PPP1R2: variants seen among roughly 807,000 people sequenced by gnomAD.
The protein encoded by PPP1R2 is protein phosphatase inhibitor 2.
PPP1R2 carries 16 observed loss-of-function variants against 29.9 expected under a neutral mutation model. The ratio of observed to expected loss-of-function variants is 0.53; its 90% CI spans 0.36 to 0.81. The LOEUF (loss-of-function observed/expected upper bound fraction) is 0.81. Among genes scored for constraint, PPP1R2 ranks in the 30% least tolerant of loss-of-function variants. The pLI, the probability that PPP1R2 is intolerant of heterozygous loss-of-function variation, is 0.00. For synonymous variants in PPP1R2, 76 were observed against 91.5 expected, an observed-to-expected ratio of 0.83 and a Z score of 0.96; for missense variants, 197 against 252.7, an observed-to-expected ratio of 0.78 and a Z score of 1.49.
intron 1 of PPP1R2, among the ~76,000 whole-genome samples, chr3:195,539,702 G>A (rs560251339): frequency 1.3e-5 from 2 of 151,968 alleles, no homozygotes; most frequent in African/African-American, 2.4e-5. Context: ...AAAAAAAGAC[G>A]TAAGCACTAA....
chr3:195,540,971 C>T (rs1055971710), intron 1 of PPP1R2, among the ~76,000 whole-genome samples: 1 of 152,154 alleles, frequency 6.6e-6, no homozygotes, highest in African/African-American at 2.4e-5. Context: ...CATTAAAAAA[C>T]CCATCCTTTT....
Position 195,515,619 on chromosome 3 carries a change from T to C in PPP1R2, c.*1277A>G, listed in dbSNP as rs1161140787. The C allele has an allele frequency of 6.6e-6, 1 of 152,246 alleles. No individual in the cohort carries two copies. The highest frequency in any genetic ancestry group is 1.5e-5 in the Non-Finnish European group (1 of 67,982). 9.4% of individuals were successfully genotyped at this position (152,246 alleles called of 1,614,324 possible). ...ACTGCGTTAGAAGAATAAAGCACGT[T>C]TGTCATAGTACACATTATCGTAGTC... is the stretch of plus-strand genomic sequence containing the variant. On this transcript the variant is annotated 3_prime_UTR_variant, in exon 6 of 6. Transcript: ENST00000618156.
chr3:195,538,830 A>G (rs1378223506), intron 1 of PPP1R2, among the ~76,000 whole-genome samples: 2 of 152,208 alleles, frequency 1.3e-5, no homozygotes, highest in African/African-American at 4.8e-5. Flanking sequence ...AGCACTTTAC[A>G]TTTATTAATT....
chr3:195,529,571 C>T (rs759704732), intron 2 of PPP1R2: 4 of 371,106 alleles, frequency 1.1e-5, no homozygotes, highest in Non-Finnish European at 1.9e-5. Context: ...AACAAATAAA[C>T]ATTTACTACT....
At chr3:195,534,712 G>A (rs1329187004) in intron 1 of PPP1R2, among the ~76,000 whole-genome samples, 2 of 152,106 alleles carry the variant, frequency 1.3e-5, no homozygotes, top group African/African-American at 4.8e-5. Flanking sequence ...AAAAAAAAGA[G>A]AGATAGGGCA....
rs559626211 is a variant in PPP1R2, at chr3:195,518,389, T to C, written c.571+629A>G. 2.6e-4 allele frequency among the ~76,000 whole-genome samples: 39 copies of C among 152,246 alleles called. No homozygotes were observed. In the East Asian group the frequency reaches 5.2e-3, roughly 20 times the overall value. On this transcript the variant is annotated intron_variant, in intron 5 of 5. Coordinates refer to ENST00000618156, the MANE Select transcript of PPP1R2 (RefSeq NM_006241.8). ...GTTTCAGGCTGGGCGCGGTGGCTCA[T>C]GCCTGTAATCCCAGCACTTTGGGAG...
intron 1 of PPP1R2, 108 bp downstream of exon 1, chr3:195,542,796 G>C (rs113678843): frequency 4.0e-5 from 54 of 1,337,096 alleles, no homozygotes; most frequent in African/African-American, 3.7e-4. Context: ...GAAGAGACTC[G>C]AGCGGCACCC....
At chr3:195,531,609 T>C (rs1489948895) in intron 1 of PPP1R2, among the ~76,000 whole-genome samples, 3 of 152,244 alleles carry the variant, frequency 2.0e-5, no homozygotes, top group African/African-American at 4.8e-5. Flanking sequence ...GCACTTTTTT[T>C]CTTCATTTTT....
At chr3:195,532,607 T>C (rs991925723) in intron 1 of PPP1R2, among the ~76,000 whole-genome samples, 1 of 152,118 alleles carries the variant, frequency 6.6e-6, no homozygotes, top group Non-Finnish European at 1.5e-5. Context: ...CCCTTTACTA[T>C]AGAGAAGCCA....
intron 4 of PPP1R2, chr3:195,519,778 T>C (rs1718682281): frequency 6.6e-6 from 1 of 151,936 alleles, no homozygotes; most frequent in Non-Finnish European, 1.5e-5. Flanking sequence ...TATAAAGTAA[T>C]GGTGAAGTGA....
chr3:195,526,240 C>T (rs1226684856), intron 2 of PPP1R2, among the ~76,000 whole-genome samples: 1 of 151,782 alleles, frequency 6.6e-6, no homozygotes, highest in East Asian at 1.9e-4. Flanking sequence ...GGACTACAGG[C>T]ATGTGCTACC....
intron 5 of PPP1R2, among the ~76,000 whole-genome samples, chr3:195,518,352 T>G (rs1029262042): frequency 1.3e-5 from 2 of 152,104 alleles, no homozygotes; most frequent in Non-Finnish European, 1.5e-5. Context: ...AAATCTTCCA[T>G]ACTAAAAACA....
chr3:195,533,999 C>T (rs1376961827), intron 1 of PPP1R2, among the ~76,000 whole-genome samples: 1 of 152,136 alleles, frequency 6.6e-6, no homozygotes, highest in Non-Finnish European at 1.5e-5. Context: ...CAGACGAGTT[C>T]CCAGAGGCCA....
At chr3:195,534,578 A>G (rs1174420688) in intron 1 of PPP1R2, among the ~76,000 whole-genome samples, 1 of 152,198 alleles carries the variant, frequency 6.6e-6, no homozygotes, top group Admixed American at 6.5e-5. Context: ...TTGAAGGGAA[A>G]AGATAAACAC....
intron 1 of PPP1R2, among the ~76,000 whole-genome samples, chr3:195,537,164 A>T (rs974475368): frequency 2.0e-5 from 3 of 150,768 alleles, no homozygotes; most frequent in Non-Finnish European, 4.4e-5. Flanking sequence ...TATACAATAC[A>T]TATGCTGATA....
At chr3:195,522,732 C>A (rs1478173544) in intron 4 of PPP1R2, among the ~76,000 whole-genome samples, 1 of 152,176 alleles carries the variant, frequency 6.6e-6, no homozygotes, top group African/African-American at 2.4e-5. Flanking sequence ...CTCTGTTGAA[C>A]AGGCTATATT....
chr3:195,525,104 TA>T (rs914315800), intron 2 of PPP1R2, among the ~76,000 whole-genome samples: 14 of 151,764 alleles, frequency 9.2e-5, no homozygotes, highest in Non-Finnish European at 1.6e-4. Context: ...TCCAAATGAT[TA>T]AAAAAAACAC....
At chr3:195,536,814 AACG>A (rs1262964450) in intron 1 of PPP1R2, among the ~76,000 whole-genome samples, 1 of 150,578 alleles carries the variant, frequency 6.6e-6, no homozygotes, top group East Asian at 1.9e-4. Context: ...AAAAAAAGAC[AACG>A]ACGACAACTG....
intron 1 of PPP1R2, among the ~76,000 whole-genome samples, chr3:195,536,207 C>T (rs1719375974): frequency 6.6e-6 from 1 of 150,964 alleles, no homozygotes; most frequent in Admixed American, 6.6e-5. Context: ...CCTATAAATC[C>T]CAACACTTTG....
Sources: allele counts gnomAD v4.1 joint callset (sites outside exome capture counted in the v4.1 genomes callset), GRCh38; gene constraint gnomAD v4.1.1; transcripts MANE v1.5; gene names NCBI Gene and HGNC (gene_info 2026-07-23, HGNC 2026-07-21).